ATP2B4: variants seen among roughly 807,000 people sequenced by gnomAD.
ATP2B4 encodes the protein plasma membrane calcium-transporting ATPase 4.
ATP2B4 carries 39 observed loss-of-function variants against 110.3 expected under a neutral mutation model. That is an observed-to-expected ratio of 0.35 (90% CI 0.27 to 0.46). ATP2B4 has a LOEUF of 0.46. Among genes scored for constraint, ATP2B4 ranks in the 20% least tolerant of loss-of-function variants. The pLI, the probability that ATP2B4 is intolerant of heterozygous loss-of-function variation, is 1.00. For missense variants in ATP2B4, 1,135 were observed against 1,530.9 expected, an observed-to-expected ratio of 0.74 and a Z score of 4.32; for synonymous variants, 538 against 571.7, an observed-to-expected ratio of 0.94 and a Z score of 0.84.
At chr1:203,703,458 A>G (rs1199920179) in intron 7 of ATP2B4, among the ~76,000 whole-genome samples, 194 bp from the exon 8 acceptor site, 1 of 152,194 alleles carries the variant, frequency 6.6e-6, no homozygotes, top group Admixed American at 6.5e-5. Context: ...TCATTAGAAT[A>G]TTATTCCAAA....
chr1:203,687,348 T>C lies in ATP2B4; in HGVS notation c.193+3950T>C, dbSNP rs373908145. The stretch of plus-strand genomic sequence containing the variant: ...ATAGAACAGCTAAGACATAGGAGTA[T>C]CTACCCAGGCAAGGGTAATGCTCAC... On this transcript the variant is annotated intron_variant, in intron 2 of 20. Transcript: ENST00000357681. Among the ~76,000 whole-genome samples the C allele has an allele frequency of 4.9e-4, 74 of 152,012 alleles. 1 individual carries two copies. The highest frequency in any genetic ancestry group is 1.8e-3 in the African/African-American group (73 of 41,464).
chr1:203,650,163 C>G (rs1408964802), intron 1 of ATP2B4, among the ~76,000 whole-genome samples: 1 of 152,224 alleles, frequency 6.6e-6, no homozygotes, highest in African/African-American at 2.4e-5. Context: ...ATCAAGCATG[C>G]CTGCCCCGTA....
At position 203,721,259 on chromosome 1, in the gene ATP2B4, A is replaced by G. The variant is rs773800492; in HGVS notation, c.2661A>G (p.Ser887=). Residue 887 remains serine (S), a synonymous_variant, in exon 17 of 21, where the codon TCA becomes TCG. Transcript: ENST00000357681. ...WVNLIMDTFA[S]LALATEPPTE... ...ATCTGATCATGGACACTTTTGCTTC[A>G]TTGGCCCTGGCCACAGAGCCCCCTA... The G allele has an allele frequency of 2.5e-6, 4 of 1,614,214 alleles. No homozygotes were observed. The highest frequency in any genetic ancestry group is 2.5e-6 in the Non-Finnish European group (3 of 1,180,032).
chr1:203,678,624 G>T (rs34704391), intron 1 of ATP2B4, among the ~76,000 whole-genome samples: 1 of 151,984 alleles, frequency 6.6e-6, no homozygotes, highest in Non-Finnish European at 1.5e-5. Flanking sequence ...GGCTGGTATC[G>T]AACTCCTGAG....
chr1:203,628,888 A>T (rs2102288181), intron 1 of ATP2B4, among the ~76,000 whole-genome samples: 1 of 152,180 alleles, frequency 6.6e-6, no homozygotes, highest in South Asian at 2.1e-4. Context: ...CTTGGGGAGC[A>T]GACTCTGGGA....
In ATP2B4 at chr1:203,707,147, G is replaced by T; in HGVS notation, c.1238G>T (p.Gly413Val). Residue 413 changes from glycine (G) to valine (V), a missense_variant, in exon 9 of 21, where the codon GGC (glycine) becomes GTC (valine). Physicochemically the swap from Gly to Val is moderately radical, Grantham distance 109. Around this residue, in one of 9 missense-constraint regions of ATP2B4, gnomAD observed 162 missense variants for 210.5 expected, o/e 0.77. Transcript: ENST00000357681. ...IQYFVKFFIIGITVLVVAVPE... is the reference protein window; with the variant it reads ...IQYFVKFFIIVITVLVVAVPE... ...TACTTTGTCAAGTTCTTCATCATCG[G>T]CATCACTGTACTGGTGGTGGCTGTG... 6.2e-7 allele frequency: 1 copy of T among 1,614,120 alleles called. No individual in the cohort carries two copies. Among genetic ancestry groups the T allele is most frequent in the Non-Finnish European group, 8.5e-7 (1 of 1,180,026 alleles).
intron 20 of ATP2B4, among the ~76,000 whole-genome samples, chr1:203,732,358 A>G (rs1426967689): frequency 6.6e-6 from 1 of 152,072 alleles, no homozygotes; most frequent in Admixed American, 6.6e-5. Context: ...TCTGCCAGAC[A>G]TTTCAGATCT....
chr1:203,649,511 T>C (rs1663910406), intron 1 of ATP2B4, among the ~76,000 whole-genome samples: 1 of 152,168 alleles, frequency 6.6e-6, no homozygotes, highest in Non-Finnish European at 1.5e-5. Context: ...GGCGTAGTGG[T>C]TCACGCCTAT....
chr1:203,683,401 A>G lies in ATP2B4; in HGVS notation c.193+3A>G, dbSNP rs1468525985. 3 of 1,604,782 alleles carry G rather than the reference A, an allele frequency of 1.9e-6. No individual in the cohort carries two copies. In the Admixed American group the frequency reaches 5.1e-5, roughly 27 times the overall value. ...ACTGAAAACCTCCCCTGTGGAAGGT[A>G]AAGGCCATATCAGGGGTGGGGAGTT... On this transcript the variant is annotated splice_donor_region_variant and intron_variant, in intron 2 of 20. Transcript: ENST00000357681.
chr1:203,723,810 G>A, intron 18 of ATP2B4, 71 bp from the exon 19 acceptor site: 6 of 1,245,944 alleles, frequency 4.8e-6, no homozygotes, highest in Non-Finnish European at 6.8e-6. Flanking sequence ...TGGCTTTGGG[G>A]GCCTTGGCTG....
chr1:203,659,908 C>A (rs1442034496), intron 1 of ATP2B4, among the ~76,000 whole-genome samples: 1 of 149,588 alleles, frequency 6.7e-6, no homozygotes, highest in Middle Eastern at 3.4e-3. Context: ...ATGGTGAAAT[C>A]CTGTCTCTAC....
At position 203,725,904 on chromosome 1, in the gene ATP2B4, CTTTTTTT is replaced by C. The variant is rs756184004; in HGVS notation, c.3133-1475_3133-1469del. ...ATTTCTTTTTCTTTTCTTTTCTTTTCTTTTTTTTTTTTTTTTTTTTTTAAGAGATGGG... is the reference window on the plus strand; with the variant it reads ...ATTTCTTTTTCTTTTCTTTTCTTTTCTTTTTTTTTTTTTTTAAGAGATGGG... On this transcript the variant is annotated intron_variant, in intron 19 of 20. Coordinates refer to ENST00000357681, the MANE Select transcript of ATP2B4 (RefSeq NM_001684.5). 1.3e-4 allele frequency among the ~76,000 whole-genome samples: 12 copies of C among 93,384 alleles called. No homozygotes were observed. The Admixed American group carries it at 1.5e-3, about 12-fold the overall frequency. 61.3% of individuals were successfully genotyped at this position (93,384 alleles called of 152,430 possible).
intron 1 of ATP2B4, among the ~76,000 whole-genome samples, chr1:203,640,074 G>A (rs114700270): frequency 0.01 from 1,533 of 152,262 alleles, 25 homozygotes; most frequent in East Asian, 0.045. Context: ...CCCATAGAGT[G>A]TTATGACAGA....
At chr1:203,673,252 G>A (rs1326054089) in intron 1 of ATP2B4, among the ~76,000 whole-genome samples, 4 of 152,206 alleles carry the variant, frequency 2.6e-5, no homozygotes, top group African/African-American at 4.8e-5. Context: ...AAACTCAGGA[G>A]TTGGCAGGGA....
At chr1:203,701,009 A>G (rs955718325) in intron 6 of ATP2B4, 86 bp downstream of exon 6, 2 of 1,474,692 alleles carry the variant, frequency 1.4e-6, no homozygotes, top group African/African-American at 1.4e-5. Flanking sequence ...GATAGAAAGC[A>G]TGGTTGGAAG....
chr1:203,639,968 G>A lies in ATP2B4; in HGVS notation c.-465+12749G>A, dbSNP rs542093477. ...AATGTGGTATAAAGGATAAAGGAGT[G>A]GATTTAGCTTCAGTTGGTACATGCT... On this transcript the variant is annotated intron_variant, in intron 1 of 20. Transcript: ENST00000357681. 5.9e-5 allele frequency among the ~76,000 whole-genome samples: 9 copies of A among 152,268 alleles called. No individual in the cohort carries two copies. In the South Asian group the frequency reaches 1.7e-3, roughly 28 times the overall value.
chr1:203,686,907 C>T (rs1290915102), intron 2 of ATP2B4, among the ~76,000 whole-genome samples: 1 of 150,604 alleles, frequency 6.6e-6, no homozygotes, highest in Non-Finnish European at 1.5e-5. Flanking sequence ...GTTGGCCAGG[C>T]TGGTCTCGAA....
At position 203,734,234 on chromosome 1, in the gene ATP2B4, C is replaced by T. The variant is rs192695404; in HGVS notation, c.3310-5312C>T. ...AGGAGAATCACTTGAACTCAGGAGG[C>T]GGAGGTTACAGTGAGCCAAGTGGAG... is the stretch of plus-strand genomic sequence containing the variant. On this transcript the variant is annotated intron_variant, in intron 20 of 20. Coordinates refer to ENST00000357681, the MANE Select transcript of ATP2B4 (RefSeq NM_001684.5). 1.6e-3 allele frequency among the ~76,000 whole-genome samples: 235 copies of T among 150,744 alleles called. 3 individuals are homozygous for T. In the East Asian group the frequency reaches 0.027, roughly 18 times the overall value.
chr1:203,691,627 T>C (rs1319697220), intron 2 of ATP2B4, among the ~76,000 whole-genome samples: 1 of 152,236 alleles, frequency 6.6e-6, no homozygotes, highest in African/African-American at 2.4e-5. Context: ...TCCAAGTTCA[T>C]CATCCTCTGG....
Sources: allele counts gnomAD v4.1 joint callset (sites outside exome capture counted in the v4.1 genomes callset), GRCh38; gene constraint gnomAD v4.1.1; regional missense constraint gnomAD v4.1.1; transcripts MANE v1.5; gene names NCBI Gene and HGNC (gene_info 2026-07-23, HGNC 2026-07-21).